Variants in PDGFD observed in about 807,000 individuals in gnomAD.
PDGFD encodes the protein platelet derived growth factor D.
In PDGFD, 30 loss-of-function variants were observed where a neutral mutation model predicts 44.7. The observed-to-expected ratio is 0.67, with a 90% CI of 0.50 to 0.91. The LOEUF is 0.91. Ranked by LOEUF, PDGFD falls within the 40% of genes least tolerant of loss-of-function variation. PDGFD has a pLI of 0.00. For missense variants in PDGFD, 445 were observed against 457.8 expected (o/e 0.97, Z 0.25); for synonymous variants, 173 against 168.4 (o/e 1.03, Z -0.21).
At chr11:103,932,012 A>G (rs369943755) in intron 5 of PDGFD, among the ~76,000 whole-genome samples, 1 of 152,090 alleles carries the variant, frequency 6.6e-6, no homozygotes, top group African/African-American at 2.4e-5. Flanking sequence ...TCAGCTTGCT[A>G]TATTATTTTA....
At chr11:104,028,714 A>G (rs1248665761) in intron 1 of PDGFD, among the ~76,000 whole-genome samples, 1 of 150,388 alleles carries the variant, frequency 6.6e-6, no homozygotes, top group Non-Finnish European at 1.5e-5. Context: ...AAAACACTGC[A>G]GTAAGAACAT....
chr11:104,085,574 T>A (rs749762577), intron 1 of PDGFD, among the ~76,000 whole-genome samples: 1 of 152,196 alleles, frequency 6.6e-6, no homozygotes, highest in Admixed American at 6.5e-5. Context: ...CAAAGGCATG[T>A]ATTTACTTAT....
chr11:104,146,568 GGGA>G (rs1477873414), intron 1 of PDGFD, among the ~76,000 whole-genome samples: 1 of 152,102 alleles, frequency 6.6e-6, no homozygotes, highest in East Asian at 1.9e-4. Context: ...TGTATGATGT[GGGA>G]TGCCCTCTTA....
chr11:103,918,892 C>T (rs75877952), intron 6 of PDGFD, among the ~76,000 whole-genome samples: 4,214 of 152,140 alleles, frequency 0.028, 190 homozygotes, highest in African/African-American at 0.094. Flanking sequence ...AGCAAACTGG[C>T]GGTTATAGGT....
At chr11:104,142,622 C>T (rs1862102332) in intron 1 of PDGFD, among the ~76,000 whole-genome samples, 1 of 152,112 alleles carries the variant, frequency 6.6e-6, no homozygotes, top group African/African-American at 2.4e-5. Context: ...TCTAAGTTTC[C>T]AAATTCTTGA....
intron 1 of PDGFD, among the ~76,000 whole-genome samples, chr11:104,130,803 A>T (rs1861908774): frequency 6.6e-6 from 1 of 152,064 alleles, no homozygotes; most frequent in Non-Finnish European, 1.5e-5. Flanking sequence ...CTATCACTTC[A>T]TCATGTTTTA....
At chr11:104,084,837 T>C (rs1032656632) in intron 1 of PDGFD, among the ~76,000 whole-genome samples, 6 of 146,226 alleles carry the variant, frequency 4.1e-5, no homozygotes, top group Non-Finnish European at 9.0e-5. Context: ...ATAAAATATA[T>C]GTAATGTATA....
At chr11:103,998,652 G>A (rs67201660) in intron 2 of PDGFD, among the ~76,000 whole-genome samples, 19,631 of 152,162 alleles carry the variant, frequency 0.13, 1,375 homozygotes, top group Middle Eastern at 0.17. Flanking sequence ...AACCCAAGAA[G>A]AGGGTTATGG....
At chr11:103,956,067 ATTTT>A in intron 3 of PDGFD, among the ~76,000 whole-genome samples, 1 of 143,864 alleles carries the variant, frequency 7.0e-6, no homozygotes, top group African/African-American at 2.6e-5. Flanking sequence ...TAGTTTGGGA[ATTTT>A]TTTTTTTTTT....
At chr11:104,157,181 G>A (rs555826074) in intron 1 of PDGFD, among the ~76,000 whole-genome samples, 4 of 152,198 alleles carry the variant, frequency 2.6e-5, no homozygotes, top group Admixed American at 1.3e-4. Context: ...CAACCAGGGC[G>A]AGGGGGGTAC....
intron 1 of PDGFD, among the ~76,000 whole-genome samples, chr11:104,094,918 G>A (rs117544092): frequency 0.041 from 6,283 of 152,158 alleles, 188 homozygotes; most frequent in Non-Finnish European, 0.061. Flanking sequence ...ACAAAACTTT[G>A]CATGATGTGA....
intron 1 of PDGFD, among the ~76,000 whole-genome samples, chr11:104,095,150 C>T (rs1250114549): frequency 6.6e-6 from 1 of 152,094 alleles, no homozygotes; most frequent in African/African-American, 2.4e-5. Flanking sequence ...TCTCTGATCA[C>T]CTACCAAACC....
intron 1 of PDGFD, among the ~76,000 whole-genome samples, chr11:104,093,449 A>G (rs1198939354): frequency 6.6e-6 from 1 of 152,130 alleles, no homozygotes; most frequent in African/African-American, 2.4e-5. Context: ...GCCTACCCCT[A>G]CAGTACAGAG....
intron 2 of PDGFD, among the ~76,000 whole-genome samples, chr11:103,998,347 AT>A (rs1192992197): frequency 6.6e-6 from 1 of 152,172 alleles, no homozygotes; most frequent in African/African-American, 2.4e-5. Context: ...AGAGTTGTAA[AT>A]TTTGGCTCCA....
intron 6 of PDGFD, among the ~76,000 whole-genome samples, chr11:103,910,608 C>T (rs746176252): frequency 6.6e-6 from 1 of 152,218 alleles, no homozygotes; most frequent in Non-Finnish European, 1.5e-5. Flanking sequence ...AACTGGCAGA[C>T]CAGGAGATTT....
intron 1 of PDGFD, among the ~76,000 whole-genome samples, chr11:104,129,733 G>T (rs114055517): frequency 2.2e-3 from 340 of 152,302 alleles, no homozygotes; most frequent in African/African-American, 8.1e-3. Flanking sequence ...AACAGGCTGG[G>T]TGCAGTGGCT....
chr11:103,909,626 G>A lies in PDGFD; in HGVS notation c.*68C>T. On this transcript the variant is annotated 3_prime_UTR_variant, in exon 7 of 7. Transcript: ENST00000393158. ...TAAGTTTGGTTGCTGGTAGGAAAAGGGTCTCTTATCTCACCCTCCTTAAAC... is the reference window on the plus strand; with the variant it reads ...TAAGTTTGGTTGCTGGTAGGAAAAGAGTCTCTTATCTCACCCTCCTTAAAC... 1 of 1,580,894 alleles carries A rather than the reference G, an allele frequency of 6.3e-7. No individual in the cohort carries two copies.
intron 1 of PDGFD, among the ~76,000 whole-genome samples, chr11:104,008,908 G>A (rs1243190715): frequency 6.6e-6 from 1 of 151,802 alleles, no homozygotes; most frequent in East Asian, 1.9e-4. Flanking sequence ...TAATAATAAT[G>A]CAAATTATTA....
At chr11:104,119,923 T>G (rs866166796) in intron 1 of PDGFD, among the ~76,000 whole-genome samples, 1 of 135,810 alleles carries the variant, frequency 7.4e-6, no homozygotes, top group African/African-American at 2.7e-5. Context: ...TTATTATATA[T>G]TATATAATTA....
Sources: gnomAD v4.1 joint callset for allele counts (sites outside exome capture counted in the v4.1 genomes callset) on GRCh38, gnomAD v4.1.1 for gene constraint, MANE v1.5 for transcripts, NCBI Gene and HGNC (gene_info 2026-07-23, HGNC 2026-07-21) for gene names.